Variants in GRAMD4 observed in about 807,000 individuals in gnomAD.
GRAMD4 encodes GRAM domain-containing protein 4.
In GRAMD4, 25 loss-of-function variants were observed where a neutral mutation model predicts 83.9. That is an observed-to-expected ratio of 0.30 (90% CI 0.22 to 0.42). GRAMD4 has a LOEUF of 0.42. GRAMD4 is among the 10% of genes least tolerant of loss of function. The pLI is 1.00. For synonymous variants in GRAMD4, 336 were observed against 320.9 expected (o/e 1.05, Z -0.50); for missense variants, 593 against 788.7 (o/e 0.75, Z 2.97).
At chr22:46,588,180 C>T (rs1315226870) in intron 1 of GRAMD4, among the ~76,000 whole-genome samples, 1 of 152,082 alleles carries the variant, frequency 6.6e-6, no homozygotes, top group Non-Finnish European at 1.5e-5. Flanking sequence ...TGGGGGGTCA[C>T]CCCCAGCCAC....
intron 1 of GRAMD4, among the ~76,000 whole-genome samples, chr22:46,592,797 T>C (rs958023526): frequency 6.6e-6 from 1 of 152,196 alleles, no homozygotes; most frequent in Non-Finnish European, 1.5e-5. Context: ...GGCTGCTGGC[T>C]GCCTGCCTTG....
intron 1 of GRAMD4, among the ~76,000 whole-genome samples, chr22:46,626,337 A>G (rs867837156): frequency 5.3e-5 from 8 of 152,240 alleles, no homozygotes; most frequent in South Asian, 2.1e-4. Flanking sequence ...CTCCTTCCCA[A>G]TGCCAGAGCA....
downstream of GRAMD4, among the ~76,000 whole-genome samples, chr22:46,680,876 A>G (rs1306176919): frequency 8.5e-5 from 1 of 11,720 alleles, no homozygotes; most frequent in African/African-American, 2.6e-4. Context: ...CCACCCACCT[A>G]TCCATCTACC....
chr22:46,633,199 GC>G (rs2081802645), intron 2 of GRAMD4, among the ~76,000 whole-genome samples: 1 of 152,152 alleles, frequency 6.6e-6, no homozygotes, highest in Admixed American at 6.5e-5. Flanking sequence ...AAGCCAGGGG[GC>G]CCCCAGCTGC....
chr22:46,604,006 G>A (rs1354832921), intron 1 of GRAMD4, among the ~76,000 whole-genome samples: 1 of 152,134 alleles, frequency 6.6e-6, no homozygotes, highest in Non-Finnish European at 1.5e-5. Context: ...TCTTTTTCTA[G>A]GTAGCTTCCT....
chr22:46,586,949 C>T (rs1055437793), intron 1 of GRAMD4, among the ~76,000 whole-genome samples: 20 of 152,162 alleles, frequency 1.3e-4, no homozygotes, highest in African/African-American at 4.6e-4. Flanking sequence ...TGAAGCAACA[C>T]CCACACCCCG....
chr22:46,678,056 A>G lies in GRAMD4; in HGVS notation c.*805A>G. 1.2e-5 allele frequency: 12 copies of G among 985,620 alleles called. No homozygotes were observed. The highest frequency in any genetic ancestry group is 1.4e-5 in the Non-Finnish European group (12 of 830,058). The allele number at this position is 985,620 out of a possible 1,614,324, so 61.1% of individuals were successfully genotyped here. On this transcript the variant is annotated 3_prime_UTR_variant, in exon 19 of 19. Coordinates refer to ENST00000406902, the MANE Select transcript of GRAMD4 (RefSeq NM_015124.5). ...AGTAAGGGCACAGGATGGTGCAGGT[A>G]AAAGCACATCTTTCTCACACTTTGC...
At chr22:46,617,111 C>CGTGTAGGTTCCCCCAT (rs1286492154), upstream of GRAMD4, among the ~76,000 whole-genome samples, 61 of 108,218 alleles carry the variant, frequency 5.6e-4, 2 homozygotes, top group African/African-American at 2.2e-3. Context: ...TTCCCCTGTC[C>CGTGTAGGTTCCCCCAT]GTGTAGGTTC....
chr22:46,647,119 G>A (rs2082083145), intron 3 of GRAMD4, among the ~76,000 whole-genome samples: 1 of 152,178 alleles, frequency 6.6e-6, no homozygotes, highest in African/African-American at 2.4e-5. Context: ...TCCAGGGCCA[G>A]ACACTGGGTT....
rs901169006 is a variant in GRAMD4, at chr22:46,678,496, CGCTGG to C, written c.*1250_*1254del. On this transcript the variant is annotated 3_prime_UTR_variant, in exon 19 of 19. Transcript: ENST00000406902. ...AGGCCTGGTCTGCTGGGGCCGCCTG[CGCTGG>C]GCTGAAGGGAGGGAAAGGCGGCTTG... 16 of 985,262 alleles carry C rather than the reference CGCTGG, an allele frequency of 1.6e-5. No individual in the cohort carries two copies. In the African/African-American group the frequency reaches 2.3e-4, roughly 14 times the overall value. The allele number at this position is 985,262 out of a possible 1,614,324, so 61.0% of individuals were successfully genotyped here.
chr22:46,665,219 T>C (rs1210636291), intron 8 of GRAMD4, among the ~76,000 whole-genome samples: 1 of 152,224 alleles, frequency 6.6e-6, no homozygotes, highest in African/African-American at 2.4e-5. Context: ...AGATGGTGCC[T>C]GGCATGAAGG....
intron 2 of GRAMD4, among the ~76,000 whole-genome samples, chr22:46,629,411 G>A (rs554708100): frequency 2.6e-5 from 4 of 152,268 alleles, no homozygotes; most frequent in African/African-American, 7.2e-5. Flanking sequence ...ATACTGATTC[G>A]CTAAACCCTC....
chr22:46,590,727 T>G (rs951413453), intron 1 of GRAMD4, among the ~76,000 whole-genome samples: 3 of 152,212 alleles, frequency 2.0e-5, no homozygotes, highest in African/African-American at 7.2e-5. Context: ...CACAGTGTTG[T>G]CTGAGGACAG....
intron 3 of GRAMD4, among the ~76,000 whole-genome samples, chr22:46,655,041 G>C (rs1238192716): frequency 6.6e-6 from 1 of 152,190 alleles, no homozygotes; most frequent in East Asian, 1.9e-4. Flanking sequence ...GAAGTCACTC[G>C]GGGAAGTGGT....
At chr22:46,671,587 C>T (rs984040170) in intron 13 of GRAMD4, among the ~76,000 whole-genome samples, 5 of 151,266 alleles carry the variant, frequency 3.3e-5, no homozygotes, top group East Asian at 3.9e-4. Flanking sequence ...ACCCGGGAGG[C>T]GGAGCTGGCA....
rs530145530 is a variant in GRAMD4, at chr22:46,585,788, C to T, written c.-50+8498C>T. Among the ~76,000 whole-genome samples, 3 of 152,242 alleles carry T rather than the reference C, an allele frequency of 2.0e-5. No homozygotes were observed. In the East Asian group the frequency reaches 5.8e-4, roughly 29 times the overall value. Reference sequence around the variant, plus strand: ...GAGCGACAAGGAGGGCTCCCTGGAGCGATGAGGGAGGGGCACAGGAGTTTA... The same window carrying T: ...GAGCGACAAGGAGGGCTCCCTGGAGTGATGAGGGAGGGGCACAGGAGTTTA... On this transcript the variant is annotated intron_variant, in intron 1 of 1. Transcript: ENST00000431155.
At chr22:46,646,426 T>G (rs2082073973) in intron 3 of GRAMD4, among the ~76,000 whole-genome samples, 1 of 152,226 alleles carries the variant, frequency 6.6e-6, no homozygotes, top group Non-Finnish European at 1.5e-5. Flanking sequence ...TCCTGAGGCC[T>G]GCAGACCTTC....
upstream of GRAMD4, chr22:46,577,037 AG>A (rs1243131125): frequency 6.9e-6 from 1 of 145,426 alleles, no homozygotes; most frequent in African/African-American, 2.5e-5. Flanking sequence ...GGCCCCTTTA[AG>A]GTGCGGCGCG....
At chr22:46,614,436 C>T (rs2081449294) in intron 1 of GRAMD4, among the ~76,000 whole-genome samples, 1 of 152,216 alleles carries the variant, frequency 6.6e-6, no homozygotes, top group South Asian at 2.1e-4. Context: ...AAATATTCTG[C>T]CATTGGAAAG....
Sources: allele counts gnomAD v4.1 joint callset (sites outside exome capture counted in the v4.1 genomes callset), GRCh38; gene constraint gnomAD v4.1.1; transcripts MANE v1.5; gene names NCBI Gene and HGNC (gene_info 2026-07-23, HGNC 2026-07-21).